Variants in TXNRD1 observed in about 807,000 individuals in gnomAD.
TXNRD1 encodes the protein thioredoxin reductase 1.
TXNRD1 carries 57 observed loss-of-function variants against 80.3 expected under a neutral mutation model. The ratio of observed to expected loss-of-function variants is 0.71; its 90% confidence interval spans 0.57 to 0.89. The LOEUF (loss-of-function observed/expected upper bound fraction) is 0.89, where lower values mean the gene tolerates loss of function less well. TXNRD1 is among the 40% of genes least tolerant of loss of function. The pLI, the probability that TXNRD1 is intolerant of heterozygous loss-of-function variation, is 0.00. For missense variants in TXNRD1, 730 were observed against 803.0 expected, an observed-to-expected ratio of 0.91 and a Z score of 1.10; for synonymous variants, 291 against 285.2, an observed-to-expected ratio of 1.02 and a Z score of -0.20.
rs1212730099 is a variant in TXNRD1 at position 104,321,171 on chromosome 12, G to A, written c.1070G>A (p.Gly357Glu). ...GASYVALECA[G>E]FLAGIGLDVT... ...TCCTATGTCGCTTTGGAGTGCGCTG[G>A]ATTTCTTGCTGGTATTGGTTTAGAC... Residue 357 changes from glycine to glutamate, a missense_variant, in exon 10 of 17, where the codon GGA becomes GAA. By Grantham distance (98) the Gly-to-Glu change is moderately conservative (BLOSUM62 -2). Coordinates refer to ENST00000525566, the MANE Select transcript of TXNRD1 (RefSeq NM_001093771.3). 1.2e-6 allele frequency: 2 copies of A among 1,613,406 alleles called. No homozygotes were observed. The highest frequency in any genetic ancestry group is 8.5e-7 in the Non-Finnish European group (1 of 1,179,816).
intron 4 of TXNRD1, chr12:104,304,546 G>A (rs561075240): frequency 1.2e-5 from 20 of 1,613,884 alleles, no homozygotes; most frequent in Non-Finnish European, 1.7e-5. Flanking sequence ...TGCCTACAAA[G>A]TTGCAGAAGT....
chr12:104,309,689 C>A, intron 4 of TXNRD1: 1 of 1,176,784 alleles, frequency 8.5e-7, no homozygotes, highest in Non-Finnish European at 1.2e-6. Context: ...GGGAGTCACA[C>A]TAGTTACTTG....
intron 3 of TXNRD1, among the ~76,000 whole-genome samples, chr12:104,272,463 T>C (rs111767676): frequency 6.6e-6 from 1 of 152,232 alleles, no homozygotes; most frequent in African/African-American, 2.4e-5. Flanking sequence ...GAGTAGGTAC[T>C]CGAAAAGGTT....
At chr12:104,241,648 G>A (rs1407983833) in intron 1 of TXNRD1, among the ~76,000 whole-genome samples, 1 of 152,106 alleles carries the variant, frequency 6.6e-6, no homozygotes. Context: ...GTTTACAGGC[G>A]TGAACCACCA....
intron 7 of TXNRD1, 111 bp downstream of exon 7, chr12:104,316,007 ATTG>A: frequency 8.2e-6 from 10 of 1,222,492 alleles, no homozygotes; most frequent in Non-Finnish European, 1.1e-5. Flanking sequence ...AGTTGTTTTT[ATTG>A]TTTACATTTT....
At chr12:104,268,185 CTTTCTTTT>C (rs1339633512) in intron 3 of TXNRD1, among the ~76,000 whole-genome samples, 1 of 130,748 alleles carries the variant, frequency 7.6e-6, no homozygotes, top group Non-Finnish European at 1.6e-5. Context: ...CTCTCTCTTT[CTTTCTTTT>C]ATTTTTTATT....
At chr12:104,311,878 G>C (rs1276625980) in intron 5 of TXNRD1, among the ~76,000 whole-genome samples, 1 of 152,102 alleles carries the variant, frequency 6.6e-6, no homozygotes, top group East Asian at 1.9e-4. Context: ...TTACTTGGGA[G>C]GCTGAGGCAG....
chr12:104,287,465 G>C lies in TXNRD1; in HGVS notation c.305-1466G>C, dbSNP rs772769666. 2.5e-6 allele frequency: 4 copies of C among 1,610,754 alleles called. No individual in the cohort carries two copies. In the East Asian group the frequency reaches 8.9e-5, roughly 36 times the overall value. On this transcript the variant is annotated intron_variant, in intron 3 of 16. Transcript: ENST00000525566. The stretch of plus-strand genomic sequence containing the variant: ...TCGTTTCTTACAGAGTCCGAGTCTT[G>C]AAATGTAGATGACAATGTGTTGAGT...
chr12:104,339,001 C>G lies in TXNRD1; in HGVS notation c.1747-138C>G. 3.5e-6 allele frequency: 4 copies of G among 1,149,146 alleles called. No homozygotes were observed. The South Asian group carries it at 6.2e-5, about 18-fold the overall frequency. 71.2% of individuals were successfully genotyped at this position (1,149,146 alleles called of 1,614,324 possible). On this transcript the variant is annotated intron_variant, in intron 15 of 16. Transcript: ENST00000525566. ...AAAGTGCTGGGATTACAGGCGTGAG[C>G]CACTGCGCCCGGCCAGTCTCTGGTC... is the stretch of plus-strand genomic sequence containing the variant.
intron 4 of TXNRD1, chr12:104,304,971 T>A (rs751372684): frequency 6.5e-7 from 1 of 1,529,788 alleles, no homozygotes; most frequent in South Asian, 1.3e-5. Flanking sequence ...TTGTGTTTTT[T>A]TTCTGAAGTT....
chr12:104,272,287 T>C (rs2033667473), intron 3 of TXNRD1, among the ~76,000 whole-genome samples: 1 of 152,086 alleles, frequency 6.6e-6, no homozygotes, highest in South Asian at 2.1e-4. Context: ...TAAGGTTAGA[T>C]CGCAAAGGCT....
At chr12:104,254,644 A>AAAAAAAAATATATATATATATAT in intron 2 of TXNRD1, among the ~76,000 whole-genome samples, 1 of 93,648 alleles carries the variant, frequency 1.1e-5, no homozygotes, top group East Asian at 2.7e-4. Context: ...AAAAAAAAAA[A>AAAAAAAAATATATATATATATAT]ATATATATAT....
Position 104,319,060 on chromosome 12 carries a change from TTG to T in TXNRD1, c.873+10_873+11del, listed in dbSNP as rs765492621. On this transcript the variant is annotated splice_donor_region_variant and intron_variant, in intron 8 of 16. Coordinates refer to ENST00000525566, the MANE Select transcript of TXNRD1 (RefSeq NM_001093771.3). ...ATTGGTCCTCACAGGATTAAGGTAA[TTG>T]TGTGACATCCTGACTAGCTTTTTTT... 7.5e-6 allele frequency: 12 copies of T among 1,596,524 alleles called. No homozygotes were observed. The Admixed American group carries it at 2.2e-4, about 29-fold the overall frequency.
At chr12:104,346,978 C>T (rs759078384) in intron 16 of TXNRD1, among the ~76,000 whole-genome samples, 2 of 152,072 alleles carry the variant, frequency 1.3e-5, no homozygotes, top group Admixed American at 1.3e-4. Flanking sequence ...GCCTGTAATC[C>T]CACCTACTCG....
At chr12:104,326,796 A>T (rs1457384562) in intron 12 of TXNRD1, among the ~76,000 whole-genome samples, 1 of 148,764 alleles carries the variant, frequency 6.7e-6, no homozygotes, top group Non-Finnish European at 1.5e-5. Flanking sequence ...TATTTCAGTT[A>T]TTTACAGCAT....
At chr12:104,270,933 G>C (rs1434827990) in intron 3 of TXNRD1, among the ~76,000 whole-genome samples, 1 of 151,970 alleles carries the variant, frequency 6.6e-6, no homozygotes, top group Non-Finnish European at 1.5e-5. Context: ...TGGATCACCT[G>C]AGGTCAGGAG....
rs1278242133 is a variant in TXNRD1 at position 104,294,238 on chromosome 12, C to G, written c.414+5198C>G. Among the ~76,000 whole-genome samples, 35 of 122,366 alleles carry G rather than the reference C, an allele frequency of 2.9e-4. 8 individuals are homozygous for G. The highest frequency in any genetic ancestry group is 7.9e-4 in the Admixed American group (10 of 12,590). The allele number at this position is 122,366 out of a possible 152,430, so 80.3% of individuals were successfully genotyped here. A position where few individuals can be genotyped will look rare whatever the true frequency, so the allele number is the denominator to read the frequency against. ...CTAAACTCCCCCGGGGAAAGGCCCCCCCCCCCGCCGCCGGCTTTCCCGGTC... is the reference window on the plus strand; with the variant it reads ...CTAAACTCCCCCGGGGAAAGGCCCCGCCCCCCGCCGCCGGCTTTCCCGGTC... On this transcript the variant is annotated intron_variant, in intron 4 of 16. Transcript: ENST00000525566.
At chr12:104,257,403 C>CTTTTTT (rs57917719) in intron 2 of TXNRD1, among the ~76,000 whole-genome samples, 2 of 76,984 alleles carry the variant, frequency 2.6e-5, no homozygotes, top group African/African-American at 9.8e-5. Flanking sequence ...TGTTCCAATG[C>CTTTTTT]TTTTTTTTTT....
At chr12:104,305,060 AT>A (rs1176332884) in intron 4 of TXNRD1, 1 of 1,036,302 alleles carries the variant, frequency 9.6e-7, no homozygotes, top group African/African-American at 1.6e-5. Context: ...AACATCAGAC[AT>A]TGTTTTACTG....
Sources: gnomAD v4.1 joint callset for allele counts (sites outside exome capture counted in the v4.1 genomes callset) on GRCh38, gnomAD v4.1.1 for gene constraint, MANE v1.5 for transcripts, NCBI Gene and HGNC (gene_info 2026-07-23, HGNC 2026-07-21) for gene names.